ASAP1: variants seen among roughly 807,000 people sequenced by gnomAD.
ASAP1 encodes ArfGAP with SH3 domain, ankyrin repeat and PH domain 1.
A neutral mutation model predicts 145.2 loss-of-function variants in ASAP1; 43 were observed. That is an observed-to-expected ratio of 0.30 (90% CI 0.23 to 0.38). ASAP1 has a LOEUF of 0.38. Ranked by LOEUF, ASAP1 falls within the 10% of genes least tolerant of loss-of-function variation. ASAP1 has a pLI of 1.00. For synonymous variants in ASAP1, 546 were observed against 515.5 expected (o/e 1.06, Z -0.80); for missense variants, 1,018 against 1,355.3 (o/e 0.75, Z 3.91).
At chr8:130,151,370 C>CAAAAAAAAAAAAAAAAAAAAAAAA (rs58367856) in intron 13 of ASAP1, among the ~76,000 whole-genome samples, 1 of 62,820 alleles carries the variant, frequency 1.6e-5, no homozygotes, top group Non-Finnish European at 3.0e-5. Flanking sequence ...GACTCAGTCT[C>CAAAAAAAAAAAAAAAAAAAAAAAA]AAAAAAAAAA....
intron 3 of ASAP1, among the ~76,000 whole-genome samples, chr8:130,335,291 T>C (rs997138246): frequency 2.6e-5 from 4 of 152,196 alleles, no homozygotes; most frequent in Non-Finnish European, 4.4e-5. Context: ...AGCATTTAAA[T>C]AGATTGCTTC....
chr8:130,140,350 T>G (rs1487777982), intron 13 of ASAP1, among the ~76,000 whole-genome samples: 1 of 151,862 alleles, frequency 6.6e-6, no homozygotes. Flanking sequence ...TCTCATTTCT[T>G]TCTTTCTTTC....
chr8:130,288,577 A>G (rs1342939938), intron 3 of ASAP1, among the ~76,000 whole-genome samples: 1 of 152,202 alleles, frequency 6.6e-6, no homozygotes, highest in Non-Finnish European at 1.5e-5. Context: ...AAATGTGTTA[A>G]TCACCTTCAA....
chr8:130,138,712 T>C (rs890706650), intron 13 of ASAP1, among the ~76,000 whole-genome samples: 7 of 151,774 alleles, frequency 4.6e-5, no homozygotes, highest in African/African-American at 9.7e-5. Flanking sequence ...GTCGGGTGCC[T>C]GTAATCCCAG....
intron 5 of ASAP1, among the ~76,000 whole-genome samples, chr8:130,198,134 ATTT>A (rs200376344): frequency 0.015 from 2,153 of 139,710 alleles, 26 homozygotes; most frequent in Middle Eastern, 0.041. Context: ...TTTTCATAAG[ATTT>A]TTTTTTTTTT....
chr8:130,126,181 G>T, intron 16 of ASAP1, 92 bp from the exon 17 acceptor site: 1 of 1,202,866 alleles, frequency 8.3e-7, no homozygotes, highest in Non-Finnish European at 1.1e-6. Context: ...AGTACAAATT[G>T]TTAAGAACTA....
chr8:130,240,860 A>G (rs1185046390), intron 3 of ASAP1, among the ~76,000 whole-genome samples: 1 of 152,154 alleles, frequency 6.6e-6, no homozygotes, highest in African/African-American at 2.4e-5. Context: ...ATTTGAATCT[A>G]GGCCCAGAGA....
chr8:130,289,546 G>A (rs1196521591), intron 3 of ASAP1, among the ~76,000 whole-genome samples: 1 of 152,192 alleles, frequency 6.6e-6, no homozygotes, highest in Non-Finnish European at 1.5e-5. Context: ...TTTAAGAATG[G>A]AAAAGACTGG....
intron 1 of ASAP1, among the ~76,000 whole-genome samples, chr8:130,405,283 A>G (rs1828973510): frequency 1.3e-5 from 2 of 151,838 alleles, no homozygotes; most frequent in African/African-American, 4.9e-5. Flanking sequence ...AGATGAAAAA[A>G]TCATAACTCA....
chr8:130,372,959 TACAC>T (rs35597833), intron 2 of ASAP1, among the ~76,000 whole-genome samples: 4 of 144,190 alleles, frequency 2.8e-5, no homozygotes, highest in South Asian at 2.2e-4. Context: ...CACAGGCATA[TACAC>T]ACACAGACAT....
At chr8:130,302,571 C>A (rs554723739) in intron 3 of ASAP1, among the ~76,000 whole-genome samples, 3 of 152,182 alleles carry the variant, frequency 2.0e-5, no homozygotes, top group Non-Finnish European at 2.9e-5. Context: ...AGTTCTTTAT[C>A]CAGATCAGCT....
chr8:130,221,395 A>G (rs1465579936), intron 4 of ASAP1, among the ~76,000 whole-genome samples: 2 of 152,174 alleles, frequency 1.3e-5, no homozygotes, highest in Non-Finnish European at 2.9e-5. Context: ...GGAAGAGGAG[A>G]AAAACTGTTG....
intron 2 of ASAP1, among the ~76,000 whole-genome samples, chr8:130,376,801 G>T (rs1311937776): frequency 1.3e-5 from 2 of 150,614 alleles, no homozygotes; most frequent in Non-Finnish European, 3.0e-5. Flanking sequence ...TACTTGGGAG[G>T]CTGAGGCAGG....
intron 2 of ASAP1, among the ~76,000 whole-genome samples, chr8:130,364,267 A>G (rs1350783216): frequency 6.6e-6 from 1 of 152,246 alleles, no homozygotes; most frequent in Non-Finnish European, 1.5e-5. Context: ...TGTAGCATAA[A>G]TATCAACTGA....
intron 2 of ASAP1, among the ~76,000 whole-genome samples, chr8:130,382,919 GC>G (rs907320179): frequency 1.3e-5 from 2 of 152,144 alleles, no homozygotes; most frequent in African/African-American, 4.8e-5. Context: ...TTTCACTTTA[GC>G]CAGAGAAAGC....
chr8:130,322,615 T>G (rs996636337), intron 3 of ASAP1, among the ~76,000 whole-genome samples: 1 of 152,224 alleles, frequency 6.6e-6, no homozygotes, highest in African/African-American at 2.4e-5. Context: ...TACTTAATGA[T>G]GAGGACTCAG....
At chr8:130,157,995 T>C (rs948421941) in intron 12 of ASAP1, among the ~76,000 whole-genome samples, 3 of 152,176 alleles carry the variant, frequency 2.0e-5, no homozygotes, top group African/African-American at 4.8e-5. Context: ...TCTCAGGACC[T>C]AGAAGAGTGA....
Position 130,217,672 on chromosome 8 carries a change from C to T in ASAP1, c.260-2971G>A, listed in dbSNP as rs374994149. 1.3e-3 allele frequency among the ~76,000 whole-genome samples: 203 copies of T among 152,264 alleles called. 4 individuals carry two copies. In the South Asian group the frequency reaches 0.041, roughly 31 times the overall value. The stretch of plus-strand genomic sequence containing the variant: ...CTTTCAGTGAGCTGGACTTTCAAAG[C>T]TGCGGCTTGGTTAATATTTGTTGAC... On this transcript the variant is annotated intron_variant, in intron 4 of 29. Transcript: ENST00000518721.
At chr8:130,398,965 C>A (rs1346672625) in intron 2 of ASAP1, among the ~76,000 whole-genome samples, 1 of 152,204 alleles carries the variant, frequency 6.6e-6, no homozygotes, top group Non-Finnish European at 1.5e-5. Flanking sequence ...GGTAAGCACA[C>A]AGTCTTGCAG....
Sources: allele counts gnomAD v4.1 joint callset (sites outside exome capture counted in the v4.1 genomes callset), GRCh38; gene constraint gnomAD v4.1.1; transcripts MANE v1.5; gene names NCBI Gene and HGNC (gene_info 2026-07-23, HGNC 2026-07-21).